HADHA: variants seen among roughly 807,000 people sequenced by gnomAD.
HADHA encodes the protein trifunctional enzyme subunit alpha, mitochondrial.
A neutral mutation model predicts 91.3 loss-of-function variants in HADHA; 59 were observed. The ratio of observed to expected loss-of-function variants is 0.65; its 90% confidence interval spans 0.52 to 0.80. The LOEUF (loss-of-function observed/expected upper bound fraction) is 0.80, where lower values mean the gene tolerates loss of function less well. HADHA is among the 30% of genes least tolerant of loss of function. The pLI is 0.00. For missense variants in HADHA, 800 were observed against 927.6 expected (o/e 0.86, Z 1.79); for synonymous variants, 320 against 338.9 (o/e 0.94, Z 0.61).
chr2:26,194,668 GC>G, intron 15 of HADHA, 30 bp from the exon 16 acceptor site: 1 of 1,402,530 alleles, frequency 7.1e-7, no homozygotes, highest in Non-Finnish European at 1.0e-6. Flanking sequence ...GAGCTCCCTG[GC>G]CCTGCTGCTG....
Position 26,232,172 on chromosome 2 carries a change from C to A in HADHA, c.561G>T (p.Arg187Ser), listed in dbSNP as rs767711528. 2 of 1,610,998 alleles carry A rather than the reference C, an allele frequency of 1.2e-6. No individual in the cohort carries two copies. Among genetic ancestry groups the A allele is most frequent in the Non-Finnish European group, 1.7e-6 (2 of 1,177,250 alleles). Residue 187 changes from arginine (R) to serine (S), a missense_variant, in exon 6 of 20, where the codon AGG becomes AGT. Coordinates refer to ENST00000380649, the MANE Select transcript of HADHA (RefSeq NM_000182.5). ...GALPGAGGTQRLPKMVGVPAA... is the reference protein window; with the variant it reads ...GALPGAGGTQSLPKMVGVPAA... ...ATGTTAGACTCACCATTTTGGGCAG[C>A]CTTTGTGTGCCTCCTGCTCCTGGTA...
chr2:26,219,873 G>C lies in HADHA; in HGVS notation c.677-4698C>G, dbSNP rs138144596. Among the ~76,000 whole-genome samples, 246 of 152,294 alleles carry C rather than the reference G, an allele frequency of 1.6e-3. 7 individuals are homozygous for C. Among genetic ancestry groups the C allele is most frequent in the African/African-American group, 5.7e-3 (235 of 41,566 alleles). On this transcript the variant is annotated intron_variant, in intron 7 of 19. Coordinates refer to ENST00000380649, the MANE Select transcript of HADHA (RefSeq NM_000182.5). ...GTATAAGCAGAAGAATTCTAGGTCT[G>C]GTAAACAGAAGTATAACTTGAATCA...
At chr2:26,239,186 C>A in intron 1 of HADHA, 43 bp from the exon 2 acceptor site, 1 of 1,248,954 alleles carries the variant, frequency 8.0e-7, no homozygotes, top group South Asian at 1.2e-5. Flanking sequence ...GAAACAATTT[C>A]TGTAGTACCT....
intron 14 of HADHA, among the ~76,000 whole-genome samples, chr2:26,195,914 G>A (rs1267079735): frequency 6.6e-6 from 1 of 152,198 alleles, no homozygotes; most frequent in East Asian, 1.9e-4. Flanking sequence ...TAAGGTTTCA[G>A]AGAAACCCCT....
chr2:26,204,402 C>G (rs1669924744), intron 11 of HADHA, among the ~76,000 whole-genome samples: 1 of 152,192 alleles, frequency 6.6e-6, no homozygotes, highest in South Asian at 2.1e-4. Flanking sequence ...TCTAAAAGAA[C>G]TGGTCTACCC....
Position 26,191,310 on chromosome 2 carries a change from G to A in HADHA, c.2232C>T (p.Phe744=). The change falls in exon 20 of 20, where the codon TTC becomes TTT. Residue 744 remains phenylalanine, a synonymous_variant. Coordinates refer to ENST00000380649, the MANE Select transcript of HADHA (RefSeq NM_000182.5). ...KKYEAAYGKQ[F]TPCQLLADHA... is the part of the protein sequence containing the mutation. ...GGTCAGCTAGCAGCTGGCATGGGGT[G>A]AACTGTTTTCCATAGGCAGCTTCAT... The A allele has an allele frequency of 6.2e-7, 1 of 1,613,778 alleles. No individual in the cohort carries two copies. Among genetic ancestry groups the A allele is most frequent in the Non-Finnish European group, 8.5e-7 (1 of 1,180,010 alleles).
chr2:26,216,820 G>A (rs1027535947), intron 7 of HADHA, among the ~76,000 whole-genome samples: 3 of 152,134 alleles, frequency 2.0e-5, no homozygotes, highest in Admixed American at 6.6e-5. Context: ...TCTAAAGAGC[G>A]GTCCTTGAAA....
chr2:26,231,715 C>T (rs1285947427), intron 6 of HADHA, among the ~76,000 whole-genome samples: 1 of 152,072 alleles, frequency 6.6e-6, no homozygotes, highest in African/African-American at 2.4e-5. Flanking sequence ...GCCTGTAGTC[C>T]TAGCACTTTG....
Position 26,204,072 on chromosome 2 carries a change from CT to C in HADHA, c.1209del (p.Val404CysfsTer5), listed in dbSNP as rs1669916953. On this transcript the variant is annotated frameshift_variant, in exon 12 of 20. Coordinates refer to ENST00000380649, the MANE Select transcript of HADHA (RefSeq NM_000182.5). LOFTEE classifies it high-confidence loss of function. The part of the protein sequence containing the change: ...TLTALDRGQQ[Q>X]VFKGLNDKVK... ...AGAGAGCAGGCTTACCCTTTGAACA[CT>C]TGTTGCTGTCCTCGGTCTAGCGCAG... is the stretch of plus-strand genomic sequence containing the variant. 1 of 1,614,060 alleles carries C rather than the reference CT, an allele frequency of 6.2e-7. No individual in the cohort carries two copies. The highest frequency in any genetic ancestry group is 8.5e-7 in the Non-Finnish European group (1 of 1,179,882).
intron 5 of HADHA, among the ~76,000 whole-genome samples, chr2:26,233,099 A>G (rs1168339561): frequency 2.0e-5 from 3 of 152,148 alleles, no homozygotes; most frequent in Non-Finnish European, 2.9e-5. Flanking sequence ...CTCTTATGAG[A>G]ATCTAATGCC....
At chr2:26,241,477 CAAA>C (rs141836425) in intron 1 of HADHA, among the ~76,000 whole-genome samples, 1 of 136,958 alleles carries the variant, frequency 7.3e-6, no homozygotes, top group South Asian at 2.4e-4. Context: ...ACAACAACAA[CAAA>C]AAAAAAAAAA....
At chr2:26,224,885 TATC>T (rs2147776461) in intron 7 of HADHA, among the ~76,000 whole-genome samples, 1 of 152,338 alleles carries the variant, frequency 6.6e-6, no homozygotes, top group Admixed American at 6.5e-5. Context: ...GCTGATAAAC[TATC>T]AATATCAGGA....
chr2:26,206,807 C>T (rs1669982469), intron 11 of HADHA, among the ~76,000 whole-genome samples: 1 of 152,150 alleles, frequency 6.6e-6, no homozygotes. Flanking sequence ...GAAGGAGTTA[C>T]CTGATATGTA....
At chr2:26,236,752 T>G (rs1670770589) in intron 4 of HADHA, 103 bp downstream of exon 4, 17 of 901,218 alleles carry the variant, frequency 1.9e-5, no homozygotes, top group Non-Finnish European at 2.9e-5. Context: ...CCTGTGTCAC[T>G]GTGCCCAGCA....
chr2:26,232,328 A>C, intron 5 of HADHA, 49 bp from the exon 6 acceptor site: 1 of 1,402,050 alleles, frequency 7.1e-7, no homozygotes, highest in Non-Finnish European at 1.0e-6. Flanking sequence ...GTAACTTAGT[A>C]GCAACTTGAG....
Position 26,244,617 on chromosome 2 carries a change from A to G in HADHA, c.-21T>C. The G allele has an allele frequency of 2.6e-6, 4 of 1,566,092 alleles. No homozygotes were observed. The highest frequency in any genetic ancestry group is 3.5e-6 in the Non-Finnish European group (4 of 1,154,836). On this transcript the variant is annotated 5_prime_UTR_variant, in exon 1 of 20. Transcript: ENST00000380649. ...ACCATCTTGAGCTGAAGAGGACAGC[A>G]GTGGAGAGCGCCTCTAACGGGTGCG...
chr2:26,241,477 C>CAAA (rs141836425), intron 1 of HADHA, among the ~76,000 whole-genome samples: 1 of 136,968 alleles, frequency 7.3e-6, no homozygotes, highest in Non-Finnish European at 1.6e-5. Context: ...ACAACAACAA[C>CAAA]AAAAAAAAAA....
rs1670555921 is a variant in HADHA at position 26,229,260 on chromosome 2, C to A, written c.676+932G>T. 6.6e-6 allele frequency among the ~76,000 whole-genome samples: 1 copy of A among 151,698 alleles called. No homozygotes were observed. Among genetic ancestry groups the A allele is most frequent in the Non-Finnish European group, 1.5e-5 (1 of 67,982 alleles). On this transcript the variant is annotated intron_variant, in intron 7 of 19. Coordinates refer to ENST00000380649, the MANE Select transcript of HADHA (RefSeq NM_000182.5). The surrounding 1 kb of genome is among the most constrained non-coding windows in gnomAD (Gnocchi z 4.3). ...GGCACAAGTGGGAAGATCATTTGAG[C>A]CCAAAAAGTTGAGGTTGCAACAAGC...
intron 4 of HADHA, among the ~76,000 whole-genome samples, chr2:26,235,968 G>A (rs1360826216): frequency 6.6e-6 from 1 of 152,152 alleles, no homozygotes; most frequent in Non-Finnish European, 1.5e-5. Flanking sequence ...CCCCAAAGCA[G>A]CCATCTTCAT....
Sources: allele counts gnomAD v4.1 joint callset (sites outside exome capture counted in the v4.1 genomes callset), GRCh38; gene constraint gnomAD v4.1.1; non-coding constraint Gnocchi (gnomAD v3.1); transcripts MANE v1.5; gene names NCBI Gene and HGNC (gene_info 2026-07-23, HGNC 2026-07-21).